The following CHODL variants were observed in gnomAD, a reference collection of about 807,000 sequenced individuals.
The protein encoded by CHODL is transmembrane protein MT75.
CHODL carries 29 observed loss-of-function variants against 34.5 expected under a neutral mutation model. That is an observed-to-expected ratio of 0.84 (90% CI 0.63 to 1.15). CHODL has a LOEUF of 1.15. Ranked by LOEUF, CHODL falls within the 50% of genes most tolerant of loss-of-function variation. The pLI is 0.00. For synonymous variants in CHODL, 125 were observed against 116.1 expected (o/e 1.08, Z -0.49); for missense variants, 332 against 332.5 (o/e 1.00, Z 0.01).
intron 2 of CHODL, among the ~76,000 whole-genome samples, chr21:18,149,774 G>A (rs2072941461): frequency 1.3e-5 from 2 of 152,282 alleles, no homozygotes; most frequent in East Asian, 3.9e-4. Context: ...TGGCTAACTG[G>A]GATGAGTCAA....
In CHODL at chr21:18,211,360, G is replaced by C. The variant is rs185123944; in HGVS notation, c.-44-45149G>C. 3.8e-4 allele frequency among the ~76,000 whole-genome samples: 58 copies of C among 152,294 alleles called. 1 individual carries two copies. Among genetic ancestry groups the C allele is most frequent in the Middle Eastern group, 3.4e-3 (1 of 294 alleles). ...GTACCTGTATTTAGGACACTGAACA[G>C]CATATAGGTGATACTCAATAACTAT... is the stretch of plus-strand genomic sequence containing the variant. On this transcript the variant is annotated intron_variant, in intron 2 of 6. Transcript: ENST00000400127.
intron 1 of CHODL, among the ~76,000 whole-genome samples, chr21:18,009,841 T>C (rs931165023): frequency 1.4e-5 from 2 of 141,496 alleles, no homozygotes; most frequent in Non-Finnish European, 3.0e-5. Flanking sequence ...TGAGCTGAGA[T>C]CGAGCCACTG....
intron 2 of CHODL, among the ~76,000 whole-genome samples, chr21:18,148,666 GAA>G (rs751739585): frequency 1.0e-3 from 156 of 152,078 alleles, no homozygotes; most frequent in Non-Finnish European, 1.6e-3. Context: ...TTCCTTATAT[GAA>G]AAGTGTTACT....
intron 2 of CHODL, among the ~76,000 whole-genome samples, chr21:18,093,259 T>A (rs2065096163): frequency 6.6e-6 from 1 of 152,156 alleles, no homozygotes; most frequent in East Asian, 1.9e-4. Flanking sequence ...TAAGCATGAA[T>A]GAGGTGTAAA....
rs554355725 is a variant in CHODL at position 18,245,217 on chromosome 21, C to A, written c.-7C>A. On this transcript the variant is annotated 5_prime_UTR_variant, in exon 1 of 6. Transcript: ENST00000299295. ...CACGCAACACCTGCTGCTGCCACCG[C>A]GCCGCGATGAGCCGCGTGGTCTCGC... The A allele has an allele frequency of 6.6e-7, 1 of 1,519,668 alleles. No homozygotes were observed. Among genetic ancestry groups the A allele is most frequent in the Non-Finnish European group, 8.8e-7 (1 of 1,141,036 alleles). 94.1% of individuals were successfully genotyped at this position (1,519,668 alleles called of 1,614,324 possible).
In CHODL at chr21:18,001,689, T is replaced by G. The variant is rs530998342; in HGVS notation, c.-144-26183T>G. On this transcript the variant is annotated intron_variant, in intron 1 of 6. Transcript: ENST00000400127. ...GAGAGAGAATTCATGCATATTACATTGTTACATGTTGCTTCTTCACAAGTT... is the reference window on the plus strand; with the variant it reads ...GAGAGAGAATTCATGCATATTACATGGTTACATGTTGCTTCTTCACAAGTT... Among the ~76,000 whole-genome samples the G allele has an allele frequency of 2.6e-3, 390 of 152,184 alleles. 4 individuals carry two copies. Among genetic ancestry groups the G allele is most frequent in the Middle Eastern group, 0.024 (7 of 292 alleles).
intron 2 of CHODL, among the ~76,000 whole-genome samples, chr21:18,229,554 A>T (rs972345256): frequency 6.6e-6 from 1 of 152,170 alleles, no homozygotes; most frequent in South Asian, 2.1e-4. Flanking sequence ...GCCATGTCCT[A>T]TCTCATTTCC....
intron 2 of CHODL, among the ~76,000 whole-genome samples, chr21:18,203,994 A>G (rs1234176513): frequency 6.6e-6 from 1 of 152,156 alleles, no homozygotes; most frequent in Admixed American, 6.5e-5. Flanking sequence ...TCTGTTCTTT[A>G]TATGCTAAAA....
chr21:18,087,895 AG>A (rs2065026260), intron 2 of CHODL, among the ~76,000 whole-genome samples: 1 of 152,148 alleles, frequency 6.6e-6, no homozygotes, highest in Non-Finnish European at 1.5e-5. Context: ...GCTGTACAGG[AG>A]GCTTGGCTGC....
In CHODL at chr21:17,967,530, G is replaced by C. The variant is rs78545542; in HGVS notation, c.-145+50130G>C. 9.6e-3 allele frequency among the ~76,000 whole-genome samples: 1,454 copies of C among 152,204 alleles called. 17 individuals are homozygous for C. Among genetic ancestry groups the C allele is most frequent in the African/African-American group, 0.032 (1,327 of 41,518 alleles). ...AATTGGGACTCTAGATTTACCTCAA[G>C]CTCTATGATTTCCTGAACTGAATGA... is the stretch of plus-strand genomic sequence containing the variant. On this transcript the variant is annotated intron_variant, in intron 1 of 6. Transcript: ENST00000400127.
Position 17,999,914 on chromosome 21 carries a change from G to A in CHODL, c.-144-27958G>A, listed in dbSNP as rs141420017. Among the ~76,000 whole-genome samples the A allele has an allele frequency of 3.8e-3, 586 of 152,228 alleles. 8 individuals carry two copies. The highest frequency in any genetic ancestry group is 0.014 in the African/African-American group (564 of 41,528). On this transcript the variant is annotated intron_variant, in intron 1 of 6. Coordinates refer to the CHODL transcript ENST00000400127. ...TGAAGATGTACACCAACCTCTCTGA[G>A]CCTTTTAAAGTTAATTTTTTTTAAA...
intron 2 of CHODL, among the ~76,000 whole-genome samples, chr21:18,185,676 G>A (rs1207356555): frequency 6.6e-6 from 1 of 152,088 alleles, no homozygotes; most frequent in Non-Finnish European, 1.5e-5. Context: ...ATCTGTTTGG[G>A]ATCCTGTAAT....
intron 2 of CHODL, among the ~76,000 whole-genome samples, chr21:18,111,504 G>A (rs1372233284): frequency 6.6e-6 from 1 of 152,114 alleles, no homozygotes; most frequent in African/African-American, 2.4e-5. Context: ...CTTATTTTAT[G>A]TCACCTGGAC....
At chr21:18,079,949 C>T (rs2146512260) in intron 2 of CHODL, among the ~76,000 whole-genome samples, 1 of 151,158 alleles carries the variant, frequency 6.6e-6, no homozygotes, top group South Asian at 2.1e-4. Flanking sequence ...TACATTCTTA[C>T]CAACAGTGTA....
At chr21:18,145,069 T>C (rs1401084791) in intron 2 of CHODL, among the ~76,000 whole-genome samples, 1 of 149,356 alleles carries the variant, frequency 6.7e-6, no homozygotes, top group Non-Finnish European at 1.5e-5. Context: ...TTTTATTTAC[T>C]ACAAATACAT....
intron 4 of CHODL, among the ~76,000 whole-genome samples, chr21:18,261,771 G>C (rs1429309255): frequency 6.6e-6 from 1 of 152,048 alleles, no homozygotes; most frequent in African/African-American, 2.4e-5. Flanking sequence ...ACAGTGTCAC[G>C]GTTTTTTAAT....
At chr21:18,104,284 A>G (rs574478214) in intron 2 of CHODL, among the ~76,000 whole-genome samples, 60 of 152,210 alleles carry the variant, frequency 3.9e-4, no homozygotes, top group African/African-American at 1.3e-3. Flanking sequence ...AGTTTCCCCC[A>G]TGTTGCTCTC....
chr21:18,184,462 A>G (rs779559041), intron 2 of CHODL, among the ~76,000 whole-genome samples: 1 of 152,232 alleles, frequency 6.6e-6, no homozygotes, highest in Middle Eastern at 3.2e-3. Context: ...GATGATAGGA[A>G]TAAGCACATT....
chr21:18,027,163 A>G (rs943301433), intron 1 of CHODL, among the ~76,000 whole-genome samples: 1 of 152,020 alleles, frequency 6.6e-6, no homozygotes, highest in African/African-American at 2.4e-5. Context: ...CATTCTAGCT[A>G]CTTGGGAGGC....
Sources: allele counts gnomAD v4.1 joint callset (sites outside exome capture counted in the v4.1 genomes callset), GRCh38; gene constraint gnomAD v4.1.1; transcripts MANE v1.5; gene names NCBI Gene and HGNC (gene_info 2026-07-23, HGNC 2026-07-21).